PALLD: variants seen among roughly 807,000 people sequenced by gnomAD.
PALLD encodes palladin, cytoskeletal associated protein, also known as palladin.
A neutral mutation model predicts 123.5 loss-of-function variants in PALLD; 61 were observed. That is an observed-to-expected ratio of 0.49 (90% CI 0.40 to 0.61). The LOEUF is 0.61. Among genes scored for constraint, PALLD ranks in the 20% least tolerant of loss-of-function variants. The probability of loss-of-function intolerance (pLI) is 0.00; values close to 1 mark genes in which losing one functional copy is unlikely to be tolerated. For synonymous variants in PALLD, 465 were observed against 496.4 expected (o/e 0.94, Z 0.84); for missense variants, 1,273 against 1,377.0 (o/e 0.92, Z 1.20).
intron 10 of PALLD, among the ~76,000 whole-genome samples, chr4:168,787,285 C>A (rs561042023): frequency 6.6e-6 from 1 of 152,192 alleles, no homozygotes; most frequent in East Asian, 1.9e-4. Context: ...TTTCATTGTT[C>A]AAGTTTTCTC....
At chr4:168,886,563 C>T (rs1753360224) in intron 10 of PALLD, among the ~76,000 whole-genome samples, 1 of 152,060 alleles carries the variant, frequency 6.6e-6, no homozygotes, top group Non-Finnish European at 1.5e-5. Context: ...TTGCTTGAGC[C>T]TCCTAGGATG....
intron 10 of PALLD, among the ~76,000 whole-genome samples, chr4:168,722,859 C>T (rs1730338661): frequency 1.3e-5 from 2 of 151,854 alleles, no homozygotes; most frequent in Non-Finnish European, 2.9e-5. Context: ...TGTGTAGGTT[C>T]AGAAAAGGAA....
At chr4:168,845,470 G>GA (rs1746700189) in intron 10 of PALLD, among the ~76,000 whole-genome samples, 1 of 151,844 alleles carries the variant, frequency 6.6e-6, no homozygotes, top group Non-Finnish European at 1.5e-5. Context: ...AATAATACAA[G>GA]AAAAAAAGCA....
In PALLD at chr4:168,927,321, T is replaced by TCAAA. The variant is rs1762692550; in HGVS notation, c.*1144_*1147dup. On this transcript the variant is annotated 3_prime_UTR_variant, in exon 22 of 22. Transcript: ENST00000505667. ...AGGCCAGGCTTTTCTTTGGTTTTCT[T>TCAAA]CAAACATAGGTGAAAAAAACACTGC... 1 of 232,046 alleles carries TCAAA rather than the reference T, an allele frequency of 4.3e-6. No homozygotes were observed. The highest frequency in any genetic ancestry group is 2.2e-5 in the African/African-American group (1 of 45,266). 14.4% of individuals were successfully genotyped at this position (232,046 alleles called of 1,614,324 possible).
chr4:168,705,539 A>C (rs768061216), intron 8 of PALLD, among the ~76,000 whole-genome samples: 24 of 152,218 alleles, frequency 1.6e-4, no homozygotes, highest in Non-Finnish European at 2.5e-4. Context: ...ATTGTTCTTC[A>C]AGAAAGATGT....
At chr4:168,562,603 C>G (rs374602440) in intron 2 of PALLD, among the ~76,000 whole-genome samples, 2 of 151,988 alleles carry the variant, frequency 1.3e-5, no homozygotes, top group South Asian at 4.2e-4. Context: ...GGGAGATCTC[C>G]CTGAGAAAGA....
intron 2 of PALLD, among the ~76,000 whole-genome samples, chr4:168,664,792 G>A (rs568441846): frequency 1.3e-5 from 2 of 148,630 alleles, no homozygotes; most frequent in East Asian, 3.9e-4. Flanking sequence ...AAAAAACCCT[G>A]CAAATATTTT....
intron 10 of PALLD, among the ~76,000 whole-genome samples, chr4:168,868,189 C>T (rs1750589238): frequency 6.6e-6 from 1 of 152,148 alleles, no homozygotes; most frequent in Non-Finnish European, 1.5e-5. Context: ...GGATTATATA[C>T]TTATCCTTGG....
intron 10 of PALLD, among the ~76,000 whole-genome samples, chr4:168,859,225 C>G (rs1215143336): frequency 2.6e-5 from 4 of 152,194 alleles, no homozygotes; most frequent in Non-Finnish European, 5.9e-5. Context: ...TACCCTAAAT[C>G]TTTGGAGGCG....
At chr4:168,781,235 A>T (rs1242557751) in intron 10 of PALLD, among the ~76,000 whole-genome samples, 1 of 152,224 alleles carries the variant, frequency 6.6e-6, no homozygotes, top group Non-Finnish European at 1.5e-5. Context: ...GACTTTGGCT[A>T]TGTATACACC....
chr4:168,604,953 CTTTGG>C (rs1397075449), intron 2 of PALLD, among the ~76,000 whole-genome samples: 2 of 152,220 alleles, frequency 1.3e-5, no homozygotes, highest in Non-Finnish European at 2.9e-5. Flanking sequence ...CCAGCTACCA[CTTTGG>C]TTAACTGGAG....
At chr4:168,620,833 A>T (rs1486315254) in intron 2 of PALLD, among the ~76,000 whole-genome samples, 1 of 152,220 alleles carries the variant, frequency 6.6e-6, no homozygotes, top group Non-Finnish European at 1.5e-5. Flanking sequence ...TATATGCAAA[A>T]AGTATGAGTA....
At chr4:168,830,676 T>C (rs1744080467) in intron 10 of PALLD, among the ~76,000 whole-genome samples, 1 of 152,192 alleles carries the variant, frequency 6.6e-6, no homozygotes, top group South Asian at 2.1e-4. Flanking sequence ...GGACATTCAA[T>C]TTTGGTTTAT....
chr4:168,538,263 T>A (rs981394666), intron 2 of PALLD, among the ~76,000 whole-genome samples: 2 of 152,126 alleles, frequency 1.3e-5, no homozygotes, highest in Non-Finnish European at 2.9e-5. Flanking sequence ...TTATTCTGAG[T>A]AAGTAAACAA....
In PALLD at chr4:168,660,900, C is replaced by CT. The variant is rs773848734; in HGVS notation, c.909-7278dup. Among the ~76,000 whole-genome samples, 276 of 144,746 alleles carry CT rather than the reference C, an allele frequency of 1.9e-3. 1 individual carries two copies. The highest frequency in any genetic ancestry group is 4.5e-3 in the African/African-American group (179 of 39,808). The allele number at this position is 144,746 out of a possible 152,430, so 95.0% of individuals were successfully genotyped here. On this transcript the variant is annotated intron_variant, in intron 2 of 21. Coordinates refer to ENST00000505667, the MANE Select transcript of PALLD (RefSeq NM_001166108.2). ...CAGTACAAGTTTCTTTCTTCTTCCT[C>CT]TTTTTTTTTTTTCCTTTTTTTTGAG...
chr4:168,806,453 C>A (rs1175890201), intron 10 of PALLD, among the ~76,000 whole-genome samples: 2 of 152,202 alleles, frequency 1.3e-5, no homozygotes, highest in Non-Finnish European at 2.9e-5. Context: ...CTTGCTTCCC[C>A]TTCACCCTTC....
chr4:168,866,086 C>A (rs952765558), intron 10 of PALLD, among the ~76,000 whole-genome samples: 1 of 150,336 alleles, frequency 6.7e-6, no homozygotes, highest in Admixed American at 6.6e-5. Context: ...CATAGTAAGA[C>A]CCTGTCTCTA....
chr4:168,685,902 T>C (rs990816130), intron 6 of PALLD, among the ~76,000 whole-genome samples: 3 of 151,852 alleles, frequency 2.0e-5, no homozygotes, highest in African/African-American at 4.8e-5. Flanking sequence ...AACTGACTAA[T>C]TTTCCATTTG....
intron 2 of PALLD, among the ~76,000 whole-genome samples, chr4:168,516,292 A>G (rs1483923578): frequency 1.3e-5 from 2 of 152,158 alleles, no homozygotes; most frequent in Non-Finnish European, 2.9e-5. Flanking sequence ...CAAATGTCCC[A>G]TATTCTCATA....
Sources: gnomAD v4.1 joint callset for allele counts (sites outside exome capture counted in the v4.1 genomes callset) on GRCh38, gnomAD v4.1.1 for gene constraint, MANE v1.5 for transcripts, NCBI Gene and HGNC (gene_info 2026-07-23, HGNC 2026-07-21) for gene names.